Variants in DOCK10 observed in about 807,000 individuals in gnomAD.
The protein encoded by DOCK10 is dedicator of cytokinesis 10.
A neutral mutation model predicts 280.1 loss-of-function variants in DOCK10; 145 were observed. The observed-to-expected ratio is 0.52, with a 90% CI of 0.45 to 0.59. DOCK10 has a LOEUF of 0.59. DOCK10 is among the 20% of genes least tolerant of loss of function. DOCK10 has a pLI of 0.00. For missense variants in DOCK10, 2,368 were observed against 2,651.7 expected (o/e 0.89, Z 2.35); for synonymous variants, 915 against 942.2 (o/e 0.97, Z 0.53).
Position 224,787,413 on chromosome 2 carries a change from T to A in DOCK10, c.5419-16A>T, listed in dbSNP as rs1362381754. 7 of 1,613,154 alleles carry A rather than the reference T, an allele frequency of 4.3e-6. No individual in the cohort carries two copies. The highest frequency in any genetic ancestry group is 5.9e-6 in the Non-Finnish European group (7 of 1,179,726). ...CCAGGATATTCTGCAATTCCCCCAA[T>A]CAAAATAAGATTTTACATGATTAGG... On this transcript the variant is annotated splice_polypyrimidine_tract_variant and intron_variant, in intron 48 of 55. Transcript: ENST00000258390.
At chr2:224,804,905 C>G (rs1027707755) in intron 37 of DOCK10, 64 bp from the exon 38 acceptor site, 49 of 1,304,938 alleles carry the variant, frequency 3.8e-5, no homozygotes, top group East Asian at 1.3e-4. Flanking sequence ...AACTGTTCAT[C>G]TAAGTATATT....
At chr2:225,009,421 C>G (rs1006214053) in intron 1 of DOCK10, among the ~76,000 whole-genome samples, 1 of 152,010 alleles carries the variant, frequency 6.6e-6, no homozygotes, top group Non-Finnish European at 1.5e-5. Flanking sequence ...AAAAGAAGAC[C>G]ATAATATCCA....
intron 3 of DOCK10, among the ~76,000 whole-genome samples, chr2:224,916,035 A>G (rs1054892406): frequency 2.6e-5 from 4 of 152,324 alleles, no homozygotes; most frequent in East Asian, 1.9e-4. Context: ...ATGGGGGTGG[A>G]TCCCTCATGA....
intron 7 of DOCK10, among the ~76,000 whole-genome samples, chr2:224,884,022 T>C (rs1241822774): frequency 2.0e-5 from 3 of 152,220 alleles, no homozygotes; most frequent in East Asian, 1.9e-4. Flanking sequence ...TTTTACTTCA[T>C]GTTTCTAAGG....
chr2:224,792,882 AG>A, intron 47 of DOCK10, 91 bp downstream of exon 47: 3 of 984,372 alleles, frequency 3.0e-6, no homozygotes, highest in East Asian at 2.6e-5. Context: ...TTTGCTTCTA[AG>A]AATATATTTA....
chr2:224,855,866 C>T (rs1022123654), intron 15 of DOCK10, among the ~76,000 whole-genome samples: 1 of 152,124 alleles, frequency 6.6e-6, no homozygotes, highest in Admixed American at 6.5e-5. Flanking sequence ...AATTAAGTTA[C>T]ATAAACTTAC....
chr2:224,843,346 G>A (rs1052375595), intron 22 of DOCK10, among the ~76,000 whole-genome samples: 16 of 152,188 alleles, frequency 1.1e-4, no homozygotes, highest in Non-Finnish European at 2.4e-4. Flanking sequence ...TGGTGAGTCA[G>A]AGACCTCAGC....
chr2:224,928,009 G>A (rs746920860), intron 2 of DOCK10, among the ~76,000 whole-genome samples: 14 of 152,124 alleles, frequency 9.2e-5, no homozygotes, highest in African/African-American at 2.4e-4. Context: ...CATTGACTCC[G>A]TGGAGATTGA....
chr2:224,862,801 A>C, intron 13 of DOCK10, 55 bp from the exon 14 acceptor site: 2 of 1,010,164 alleles, frequency 2.0e-6, no homozygotes, highest in Non-Finnish European at 2.9e-6. Context: ...TAAACTGTAC[A>C]TATAAAATAA....
intron 3 of DOCK10, 75 bp downstream of exon 3, chr2:224,916,620 A>G: frequency 1.0e-6 from 1 of 958,436 alleles, no homozygotes; most frequent in Non-Finnish European, 1.6e-6. Context: ...GAAGATAATA[A>G]TAGTAAATTG....
chr2:225,003,640 T>TA (rs1208560738), intron 1 of DOCK10, among the ~76,000 whole-genome samples: 39 of 152,284 alleles, frequency 2.6e-4, no homozygotes, highest in African/African-American at 8.4e-4. Context: ...AAATTAAAAG[T>TA]TTTATCTAAT....
chr2:224,809,225 ATAG>A (rs1693605795), intron 31 of DOCK10, among the ~76,000 whole-genome samples: 1 of 152,210 alleles, frequency 6.6e-6, no homozygotes, highest in African/African-American at 2.4e-5. Context: ...GTAACCATTA[ATAG>A]TAGTACTTGC....
At chr2:225,024,137 C>A (rs1163893282) in intron 1 of DOCK10, among the ~76,000 whole-genome samples, 1 of 152,090 alleles carries the variant, frequency 6.6e-6, no homozygotes, top group Non-Finnish European at 1.5e-5. Flanking sequence ...ATTTCGAGGT[C>A]AAGAAAGACA....
chr2:224,952,847 C>T (rs1280328679), intron 1 of DOCK10, among the ~76,000 whole-genome samples: 1 of 152,170 alleles, frequency 6.6e-6, no homozygotes, highest in East Asian at 1.9e-4. Flanking sequence ...CCGCCTCGGC[C>T]TCCCAAAGTG....
chr2:224,930,287 A>T (rs1411011233), intron 2 of DOCK10, among the ~76,000 whole-genome samples: 2 of 152,058 alleles, frequency 1.3e-5, no homozygotes, highest in Non-Finnish European at 2.9e-5. Context: ...GAAAAATGAA[A>T]ATGAGGATGT....
intron 1 of DOCK10, among the ~76,000 whole-genome samples, chr2:225,027,985 G>A (rs531286910): frequency 2.0e-5 from 3 of 152,328 alleles, no homozygotes; most frequent in East Asian, 3.9e-4. Context: ...GGATCAGAAA[G>A]CAGTGCCTCG....
intron 1 of DOCK10, chr2:224,946,780 T>C (rs958516056): frequency 8.0e-7 from 1 of 1,257,826 alleles, no homozygotes; most frequent in Non-Finnish European, 1.1e-6. Context: ...ACTGTAGAGC[T>C]AATCATTTTT....
At position 224,819,460 on chromosome 2, in the gene DOCK10, A is replaced by C. The variant is rs542556252; in HGVS notation, c.3253T>G (p.Ser1085Ala). The change falls in exon 29 of 56, where the codon TCC (serine) becomes GCC (alanine). Residue 1085 changes from serine (S) to alanine (A), a missense_variant. Physicochemically the swap from Ser to Ala is moderately conservative, Grantham distance 99. Coordinates refer to ENST00000258390, the MANE Select transcript of DOCK10 (RefSeq NM_014689.3). ...GTGGTTCTTACCTTAAGGTCACCGG[A>C]GGAGAACATGCTGATGTAATTGTTG... ...MVNNYISMFS[S>A]GDLKTLCQYK... is the part of the protein sequence containing the mutation. 116 of 1,608,432 alleles carry C rather than the reference A, an allele frequency of 7.2e-5. No individual in the cohort carries two copies. In the Middle Eastern group the frequency reaches 1.3e-3, roughly 18 times the overall value.
intron 1 of DOCK10, among the ~76,000 whole-genome samples, chr2:225,014,082 T>TATATATATATATA (rs143161746): frequency 1.4e-3 from 62 of 45,692 alleles, no homozygotes; most frequent in African/African-American, 4.9e-3. Flanking sequence ...TCTGAATATA[T>TATATATATATATA]TGTTTTTTTT....
Sources: allele counts gnomAD v4.1 joint callset (sites outside exome capture counted in the v4.1 genomes callset), GRCh38; gene constraint gnomAD v4.1.1; transcripts MANE v1.5; gene names NCBI Gene and HGNC (gene_info 2026-07-23, HGNC 2026-07-21).